PTCHD4: variants seen among roughly 807,000 people sequenced by gnomAD.
PTCHD4 encodes the protein patched domain-containing protein 4.
Under a neutral mutation model 58.1 loss-of-function variants are expected in PTCHD4, and 33 were observed. That is an observed-to-expected ratio of 0.57 (90% CI 0.43 to 0.76). The LOEUF (loss-of-function observed/expected upper bound fraction) is 0.76. Among genes scored for constraint, PTCHD4 ranks in the 30% least tolerant of loss-of-function variants. PTCHD4 has a pLI of 0.00. For synonymous variants in PTCHD4, 478 were observed against 409.6 expected, an observed-to-expected ratio of 1.17 and a Z score of -2.02; for missense variants, 1,058 against 1,027.1, an observed-to-expected ratio of 1.03 and a Z score of -0.41.
chr6:48,058,470 T>C (rs564857867), intron 3 of PTCHD4, among the ~76,000 whole-genome samples: 1 of 152,244 alleles, frequency 6.6e-6, no homozygotes, highest in South Asian at 2.1e-4. Flanking sequence ...AATGGTAGCA[T>C]AGAGATGCCA....
chr6:48,071,970 T>C (rs1303576463), intron 1 of PTCHD4, among the ~76,000 whole-genome samples: 1 of 152,188 alleles, frequency 6.6e-6, no homozygotes, highest in Non-Finnish European at 1.5e-5. Flanking sequence ...AAAGTGCCAT[T>C]TTCATCACAT....
In PTCHD4 at chr6:47,955,391, G is replaced by A. The variant is rs530966181; in HGVS notation, c.898+53243C>T. Among the ~76,000 whole-genome samples, 17 of 152,280 alleles carry A rather than the reference G, an allele frequency of 1.1e-4. No homozygotes were observed. The South Asian group carries it at 3.5e-3, about 32-fold the overall frequency. On this transcript the variant is annotated intron_variant, in intron 4 of 4. Transcript: ENST00000339488. ...ATATTGTCAAAGGCTCTCGAATTATGAGTCTGATTTATAAAAGAGAAATAG... is the reference window on the plus strand; with the variant it reads ...ATATTGTCAAAGGCTCTCGAATTATAAGTCTGATTTATAAAAGAGAAATAG...
At chr6:47,967,827 A>G (rs1405265630) in intron 4 of PTCHD4, among the ~76,000 whole-genome samples, 3 of 152,126 alleles carry the variant, frequency 2.0e-5, no homozygotes, top group Admixed American at 2.0e-4. Context: ...AAATTGAAAA[A>G]TTTAGGGTCT....
At chr6:47,960,538 A>G (rs1206538153) in intron 4 of PTCHD4, among the ~76,000 whole-genome samples, 1 of 152,156 alleles carries the variant, frequency 6.6e-6, no homozygotes, top group Non-Finnish European at 1.5e-5. Flanking sequence ...ACGTGAACCA[A>G]AAGAAAGGTG....
intron 4 of PTCHD4, among the ~76,000 whole-genome samples, chr6:47,951,992 C>A (rs1171591819): frequency 6.6e-6 from 1 of 152,106 alleles, no homozygotes; most frequent in African/African-American, 2.4e-5. Flanking sequence ...AGGAATATTT[C>A]ATTCCTGATT....
intron 4 of PTCHD4, among the ~76,000 whole-genome samples, chr6:47,927,954 A>C (rs1670588717): frequency 6.6e-6 from 1 of 151,988 alleles, no homozygotes; most frequent in South Asian, 2.1e-4. Context: ...ATATGCACCA[A>C]GATGAAAAAC....
At position 48,076,136 on chromosome 6, in the gene PTCHD4, A is replaced by G. The variant is rs558448514; in HGVS notation, c.-969-6210T>C. On this transcript the variant is annotated intron_variant, in intron 1 of 4. Coordinates refer to ENST00000339488, the MANE Select transcript of PTCHD4 (RefSeq NM_001384253.1). The stretch of plus-strand genomic sequence containing the variant: ...CACAGCACTTTCACCAGTAGATGCC[A>G]TCTCAATAAACCACTTTCTTTGCTC... Among the ~76,000 whole-genome samples, 5 of 152,356 alleles carry G rather than the reference A, an allele frequency of 3.3e-5. No homozygotes were observed. In the East Asian group the frequency reaches 9.6e-4, roughly 29 times the overall value.
chr6:48,060,073 C>G (rs964554922), intron 3 of PTCHD4, among the ~76,000 whole-genome samples: 2 of 152,198 alleles, frequency 1.3e-5, no homozygotes, highest in African/African-American at 4.8e-5. Flanking sequence ...GACTCAAGCT[C>G]CCGGAGGGCA....
intron 3 of PTCHD4, among the ~76,000 whole-genome samples, chr6:48,052,491 A>G (rs912404020): frequency 1.3e-5 from 2 of 152,034 alleles, no homozygotes; most frequent in Admixed American, 1.3e-4. Flanking sequence ...AAATTTAGAT[A>G]TAACAGAGCT....
chr6:48,035,343 G>A (rs1267418601), intron 3 of PTCHD4, among the ~76,000 whole-genome samples: 1 of 152,042 alleles, frequency 6.6e-6, no homozygotes, highest in Non-Finnish European at 1.5e-5. Flanking sequence ...ATTTCACTCT[G>A]TTGCAGTGGT....
chr6:48,110,273 A>G (rs974830386), intron 1 of PTCHD4, among the ~76,000 whole-genome samples: 1 of 152,212 alleles, frequency 6.6e-6, no homozygotes, highest in Non-Finnish European at 1.5e-5. Context: ...ACAATTAAAT[A>G]CTATTTAGTC....
At chr6:47,976,386 G>A (rs924673521) in intron 4 of PTCHD4, among the ~76,000 whole-genome samples, 4 of 152,120 alleles carry the variant, frequency 2.6e-5, no homozygotes, top group African/African-American at 9.7e-5. Flanking sequence ...CAGGCGCTGT[G>A]GCTCATGCCT....
rs1299817748 is a variant in PTCHD4 at position 47,875,325 on chromosome 6, TG to T, written c.*2977del. 6.6e-6 allele frequency among the ~76,000 whole-genome samples: 1 copy of T among 151,694 alleles called. No homozygotes were observed. The highest frequency in any genetic ancestry group is 2.0e-4 in the East Asian group (1 of 5,116). ...ACAAGCTACCAAAAAAGGTTGGGAT[TG>T]GGGGTGACCTGCAAGTCATGATCTC... On this transcript the variant is annotated 3_prime_UTR_variant, in exon 5 of 5. Coordinates refer to ENST00000339488, the MANE Select transcript of PTCHD4 (RefSeq NM_001384253.1).
chr6:48,075,520 TC>T (rs1765048140), intron 1 of PTCHD4, among the ~76,000 whole-genome samples: 1 of 151,888 alleles, frequency 6.6e-6, no homozygotes, highest in Non-Finnish European at 1.5e-5. Context: ...TCATTCCATG[TC>T]AATAAACCTT....
Position 47,879,111 on chromosome 6 carries a change from G to A in PTCHD4, c.1724C>T (p.Ser575Leu). Residue 575 changes from serine (S) to leucine (L), a missense_variant, in exon 5 of 5, where the codon TCA (serine) becomes TTA (leucine). Coordinates refer to ENST00000339488, the MANE Select transcript of PTCHD4 (RefSeq NM_001384253.1). ...CTGGAATTCTGGCTTTTTTAAAAATGAGCTTTGCAGGACACTGATGAAGTC... is the reference window on the plus strand; with the variant it reads ...CTGGAATTCTGGCTTTTTTAAAAATAAGCTTTGCAGGACACTGATGAAGTC... Reference protein sequence around the residue: ...KSDFISVLQSSFLKKPEFQHF... With the variant: ...KSDFISVLQSLFLKKPEFQHF... The A allele has an allele frequency of 6.2e-7, 1 of 1,612,588 alleles. No homozygotes were observed. The highest frequency in any genetic ancestry group is 8.5e-7 in the Non-Finnish European group (1 of 1,179,664).
chr6:47,887,609 T>G (rs77283940), intron 4 of PTCHD4, among the ~76,000 whole-genome samples: 20 of 152,170 alleles, frequency 1.3e-4, no homozygotes, highest in Non-Finnish European at 2.2e-4. Context: ...GAATGGAATA[T>G]GAAATGAAAT....
chr6:48,036,173 T>C (rs1050235000), intron 3 of PTCHD4, among the ~76,000 whole-genome samples: 12 of 152,086 alleles, frequency 7.9e-5, no homozygotes, highest in African/African-American at 2.9e-4. Flanking sequence ...TTCCGAGAAA[T>C]TAAGTATGTG....
chr6:48,035,244 C>T (rs868405386), intron 3 of PTCHD4, among the ~76,000 whole-genome samples: 103 of 152,120 alleles, frequency 6.8e-4, no homozygotes, highest in African/African-American at 2.2e-3. Flanking sequence ...TCTAACAGCT[C>T]AGACTCTATT....
rs1763503037 is a variant in PTCHD4, at chr6:47,864,344, C to T, written c.*13959G>A. ...CACACACACACATATATATATATGG[C>T]TATTTCACCTACTAGTTTGCTTTGC... On this transcript the variant is annotated 3_prime_UTR_variant, in exon 5 of 5. Coordinates refer to ENST00000339488, the MANE Select transcript of PTCHD4 (RefSeq NM_001384253.1). 1.3e-5 allele frequency among the ~76,000 whole-genome samples: 2 copies of T among 150,616 alleles called. No homozygotes were observed. Among genetic ancestry groups the T allele is most frequent in the African/African-American group, 4.9e-5 (2 of 40,760 alleles).
Sources: allele counts gnomAD v4.1 joint callset (sites outside exome capture counted in the v4.1 genomes callset), GRCh38; gene constraint gnomAD v4.1.1; transcripts MANE v1.5; gene names NCBI Gene and HGNC (gene_info 2026-07-23, HGNC 2026-07-21).